The following ZNF577 variants were observed in gnomAD, a reference collection of about 807,000 sequenced individuals.
ZNF577 encodes the protein zinc finger protein 577.
Under a neutral mutation model 13.9 loss-of-function variants are expected in ZNF577, and 14 were observed. The observed-to-expected ratio is 1.00, with a 90% CI of 0.66 to 1.57. ZNF577 has a LOEUF of 1.57. Ranked by LOEUF, ZNF577 falls within the 40% of genes most tolerant of loss-of-function variation. The pLI is 0.00. For missense variants in ZNF577, 555 were observed against 579.2 expected, an observed-to-expected ratio of 0.96 and a Z score of 0.43; for synonymous variants, 203 against 202.9, an observed-to-expected ratio of 1.00 and a Z score of 0.00.
chr19:51,845,342 A>G (rs1465447283), intron 5 of ZNF577, among the ~76,000 whole-genome samples: 2 of 151,884 alleles, frequency 1.3e-5, no homozygotes, highest in African/African-American at 4.8e-5. Flanking sequence ...AAAAATACCA[A>G]ATTATCCGTG....
chr19:51,807,779 A>C (rs2084070027), intron 10 of ZNF577, among the ~76,000 whole-genome samples: 1 of 152,242 alleles, frequency 6.6e-6, no homozygotes, highest in Non-Finnish European at 1.5e-5. Flanking sequence ...TTTGCCAGGC[A>C]GTCGACATTT....
intron 9 of ZNF577, among the ~76,000 whole-genome samples, chr19:51,834,956 T>C (rs2084280953): frequency 6.6e-6 from 1 of 152,202 alleles, no homozygotes; most frequent in South Asian, 2.1e-4. Context: ...TACAGGGGAA[T>C]TTTTACCTTA....
intron 9 of ZNF577, among the ~76,000 whole-genome samples, chr19:51,826,758 G>A (rs572919652): frequency 1.3e-5 from 2 of 152,286 alleles, no homozygotes; most frequent in South Asian, 4.1e-4. Flanking sequence ...TTCAAAGATA[G>A]TTTGGTGGGC....
chr19:51,845,704 A>G (rs12610031), intron 5 of ZNF577, among the ~76,000 whole-genome samples: 38,604 of 152,128 alleles, frequency 0.25, 6,308 homozygotes, highest in African/African-American at 0.46. Context: ...GATTTCACAC[A>G]TAAGTGAGAT....
intron 9 of ZNF577, among the ~76,000 whole-genome samples, chr19:51,819,232 T>C (rs2084169699): frequency 6.6e-6 from 1 of 152,068 alleles, no homozygotes. Flanking sequence ...GGGTTTGGAG[T>C]GTCTATGGGA....
At chr19:51,878,339 T>C (rs780951956) in intron 4 of ZNF577, 50 bp downstream of exon 4, 2 of 1,598,674 alleles carry the variant, frequency 1.3e-6, no homozygotes, top group Non-Finnish European at 1.7e-6. Context: ...GACCGTACAG[T>C]GGTCACCAAA....
chr19:51,811,554 T>C (rs1029543019), exon 10 of ZNF577: 2 of 152,206 alleles, frequency 1.3e-5, no homozygotes, highest in African/African-American at 4.8e-5. Context: ...GGAGATCTTC[T>C]TCATTCACAT....
intron 9 of ZNF577, among the ~76,000 whole-genome samples, chr19:51,820,233 G>A (rs2084178051): frequency 6.6e-6 from 1 of 152,130 alleles, no homozygotes; most frequent in Non-Finnish European, 1.5e-5. Flanking sequence ...GAAGTGCCGA[G>A]TTTCCATTAT....
At chr19:51,838,788 C>T (rs759470593) in intron 9 of ZNF577, among the ~76,000 whole-genome samples, 2 of 151,696 alleles carry the variant, frequency 1.3e-5, no homozygotes. Flanking sequence ...ATTGTAGATG[C>T]TTTTACTATT....
chr19:51,877,314 G>A lies in ZNF577; in HGVS notation c.251C>T (p.Ala84Val), dbSNP rs17856123. The change falls in exon 5 of 6, where the codon GCA becomes GTA. Residue 84 changes from alanine to valine, a missense_variant. Physicochemically the swap from Ala to Val is moderately conservative, Grantham distance 64. Transcript: ENST00000638348. ...GATTTGACTGTGGGCTGCTCCTTCT[G>A]CTATCCCTGGGGGTTCTCCTTGCTC... ...KLEQGEPPGI[A>V]EGAAHSQICP... The A allele has an allele frequency of 0.016, 26,623 of 1,613,896 alleles. 1,600 individuals are homozygous for A. The African/African-American group carries it at 0.2, about 12-fold the overall frequency.
At chr19:51,860,233 T>C (rs930472302) in intron 5 of ZNF577, 4 of 152,196 alleles carry the variant, frequency 2.6e-5, no homozygotes, top group Non-Finnish European at 5.9e-5. Flanking sequence ...AAATAACTTA[T>C]CACTGATGCT....
At position 51,870,758 on chromosome 19, in the gene ZNF577, C is replaced by G. The variant is rs1196557193; in HGVS notation, c.*1774G>C. Among the ~76,000 whole-genome samples, 2 of 152,120 alleles carry G rather than the reference C, an allele frequency of 1.3e-5. No homozygotes were observed. The highest frequency in any genetic ancestry group is 2.9e-5 in the Non-Finnish European group (2 of 68,034). ...CCTTGAATTCCTCAAACCCTAAACTCTGTCTCAATTCAGAGAGATGGCTGG... is the reference window on the plus strand; with the variant it reads ...CCTTGAATTCCTCAAACCCTAAACTGTGTCTCAATTCAGAGAGATGGCTGG... On this transcript the variant is annotated 3_prime_UTR_variant, in exon 6 of 6. Transcript: ENST00000638348.
chr19:51,882,490 AAAAAACTAGGG>A (rs1337089038), intron 1 of ZNF577, among the ~76,000 whole-genome samples: 3 of 151,956 alleles, frequency 2.0e-5, no homozygotes, highest in Non-Finnish European at 4.4e-5. Flanking sequence ...AAAAAAAAAA[AAAAAACTAGGG>A]TCTGCTGTGT....
chr19:51,821,327 C>G (rs2084187209), intron 9 of ZNF577, among the ~76,000 whole-genome samples: 1 of 152,176 alleles, frequency 6.6e-6, no homozygotes, highest in African/African-American at 2.4e-5. Flanking sequence ...TGATGCTCAA[C>G]TGGGGGGAGT....
intron 9 of ZNF577, among the ~76,000 whole-genome samples, chr19:51,837,948 C>T (rs1268313979): frequency 6.6e-6 from 1 of 152,112 alleles, no homozygotes; most frequent in East Asian, 1.9e-4. Context: ...TTATGCCAAC[C>T]ACCTGACTGA....
At position 51,872,974 on chromosome 19, in the gene ZNF577, G is replaced by C. The variant is rs780587862; in HGVS notation, c.1016C>G (p.Ser339Trp). 1.9e-6 allele frequency: 3 copies of C among 1,614,116 alleles called. No individual in the cohort carries two copies. Among genetic ancestry groups the C allele is most frequent in the Admixed American group, 1.7e-5 (1 of 60,020 alleles). Residue 339 changes from serine (S) to tryptophan (W), a missense_variant, in exon 6 of 6, where the codon TCG (serine) becomes TGG (tryptophan). Coordinates refer to ENST00000638348, the MANE Select transcript of ZNF577 (RefSeq NM_001370449.1). ...AGTACGCTGATGCTGAATGAGCTTC[G>C]ACTTGCTTCTAAAGGCTTTTTCACA... ...SECEKAFRSKSKLIQHQRTHT... is the reference protein window; with the variant it reads ...SECEKAFRSKWKLIQHQRTHT...
intron 9 of ZNF577, among the ~76,000 whole-genome samples, chr19:51,822,246 T>C (rs921737437): frequency 1.3e-5 from 2 of 152,228 alleles, no homozygotes; most frequent in African/African-American, 2.4e-5. Flanking sequence ...CATAGTGTTA[T>C]TGCCCAGAAT....
rs548791311 is a variant in ZNF577, at chr19:51,869,660, C to T, written c.*2872G>A. Among the ~76,000 whole-genome samples, 41 of 152,228 alleles carry T rather than the reference C, an allele frequency of 2.7e-4. No homozygotes were observed. The highest frequency in any genetic ancestry group is 9.4e-4 in the African/African-American group (39 of 41,524). On this transcript the variant is annotated 3_prime_UTR_variant, in exon 6 of 6. Transcript: ENST00000638348. ...TTTCTCAGTCTCTCGTCCCCCCTGA[C>T]GAGAAACACCCACAGGTGTGGACGG... is the stretch of plus-strand genomic sequence containing the variant.
chr19:51,840,289 T>C (rs2084313403), intron 8 of ZNF577, among the ~76,000 whole-genome samples: 1 of 152,174 alleles, frequency 6.6e-6, no homozygotes, highest in African/African-American at 2.4e-5. Flanking sequence ...AAGCAGAAGA[T>C]GGCTGCACCT....
Sources: allele counts gnomAD v4.1 joint callset (sites outside exome capture counted in the v4.1 genomes callset), GRCh38; gene constraint gnomAD v4.1.1; transcripts MANE v1.5; gene names NCBI Gene and HGNC (gene_info 2026-07-23, HGNC 2026-07-21).